Variants in SDK1 observed in about 807,000 individuals in gnomAD.
SDK1 encodes the protein sidekick cell adhesion molecule 1.
SDK1 carries 157 observed loss-of-function variants against 245.5 expected under a neutral mutation model. The observed-to-expected ratio is 0.64, with a 90% confidence interval of 0.56 to 0.73. The LOEUF (loss-of-function observed/expected upper bound fraction) is 0.73. Ranked by LOEUF, SDK1 falls within the 30% of genes least tolerant of loss-of-function variation. SDK1 has a pLI of 0.00. For missense variants in SDK1, 3,583 were observed against 3,002.3 expected (o/e 1.19, Z -4.52); for synonymous variants, 1,647 against 1,278.5 (o/e 1.29, Z -6.15).
chr7:3,821,430 C>T lies in SDK1; in HGVS notation c.714-20C>T. The T allele has an allele frequency of 6.2e-7, 1 of 1,610,032 alleles. No homozygotes were observed. Among genetic ancestry groups the T allele is most frequent in the Non-Finnish European group, 8.5e-7 (1 of 1,178,414 alleles). Reference sequence around the variant, plus strand: ...TTCCCTGGAGTAGCTTTGACACTGTCCTCTTCTTTTCTGAAACAGAGCCAT... The same window carrying T: ...TTCCCTGGAGTAGCTTTGACACTGTTCTCTTCTTTTCTGAAACAGAGCCAT... On this transcript the variant is annotated intron_variant, in intron 4 of 44. Coordinates refer to ENST00000404826, the MANE Select transcript of SDK1 (RefSeq NM_152744.4).
intron 1 of SDK1, among the ~76,000 whole-genome samples, chr7:3,413,239 C>A (rs1379590068): frequency 6.6e-6 from 1 of 152,040 alleles, no homozygotes; most frequent in Non-Finnish European, 1.5e-5. Flanking sequence ...GTTCTAGAAA[C>A]AAACAGTAGG....
At chr7:3,472,797 A>AC (rs1288078065) in intron 1 of SDK1, among the ~76,000 whole-genome samples, 1 of 152,186 alleles carries the variant, frequency 6.6e-6, no homozygotes, top group Non-Finnish European at 1.5e-5. Context: ...CAGCATGAGA[A>AC]CATAGGGTAA....
chr7:4,008,735 CA>C (rs1442608606), intron 14 of SDK1, among the ~76,000 whole-genome samples: 1 of 151,972 alleles, frequency 6.6e-6, no homozygotes, highest in South Asian at 2.1e-4. Context: ...GAAAGGGCAG[CA>C]GGGGGAAGGG....
At chr7:3,841,601 C>T (rs1423448926) in intron 5 of SDK1, among the ~76,000 whole-genome samples, 1 of 151,412 alleles carries the variant, frequency 6.6e-6, no homozygotes, top group East Asian at 1.9e-4. Flanking sequence ...GAGTTTTGCT[C>T]TGTCACCCAG....
chr7:4,030,840 C>G (rs571149891), intron 17 of SDK1, among the ~76,000 whole-genome samples: 59 of 152,142 alleles, frequency 3.9e-4, no homozygotes, highest in Non-Finnish European at 6.5e-4. Context: ...GTAGGGCCTC[C>G]TTTAAAGAAT....
intron 4 of SDK1, among the ~76,000 whole-genome samples, chr7:3,731,344 C>A (rs1382547635): frequency 1.3e-5 from 2 of 152,154 alleles, no homozygotes; most frequent in Non-Finnish European, 2.9e-5. Context: ...GCTGCTGAAC[C>A]ATTAGGAGGC....
intron 4 of SDK1, among the ~76,000 whole-genome samples, chr7:3,741,987 C>CATAGATAT (rs1779488112): frequency 7.6e-6 from 1 of 132,118 alleles, no homozygotes. Flanking sequence ...TTGTAGTGTG[C>CATAGATAT]ATATATATAT....
intron 22 of SDK1, among the ~76,000 whole-genome samples, chr7:4,079,832 A>G (rs1400188883): frequency 6.6e-6 from 1 of 152,222 alleles, no homozygotes; most frequent in East Asian, 1.9e-4. Context: ...GAAAGTTGTG[A>G]TTCAAAATAG....
intron 1 of SDK1, among the ~76,000 whole-genome samples, chr7:3,332,018 C>T (rs1426518837): frequency 6.6e-6 from 1 of 152,112 alleles, no homozygotes; most frequent in Non-Finnish European, 1.5e-5. Flanking sequence ...TATTTTATTT[C>T]GACCAGTATT....
rs773941840 is a variant in SDK1 at position 4,265,340 on chromosome 7, C to T, written c.6598C>T (p.Pro2200Ser). ...SAGGVYTPAG[P>S]GARTPLTGFS... ...GGGCGGCGTCTACACCCCCGCTGGC[C>T]CCGGCGCGCGAACTCCGCTCACCGG... Residue 2200 changes from proline to serine, a missense_variant, in exon 45 of 45, where the codon CCC becomes TCC. By Grantham distance (74) the Pro-to-Ser change is moderately conservative. Coordinates refer to ENST00000404826, the MANE Select transcript of SDK1 (RefSeq NM_152744.4). The T allele has an allele frequency of 2.0e-6, 3 of 1,469,834 alleles. No homozygotes were observed. Among genetic ancestry groups the T allele is most frequent in the Non-Finnish European group, 8.9e-7 (1 of 1,123,918 alleles). The allele number at this position is 1,469,834 out of a possible 1,614,324, so 91.0% of individuals were successfully genotyped here.
At chr7:4,198,956 G>A (rs538760645) in intron 35 of SDK1, among the ~76,000 whole-genome samples, 155 of 151,944 alleles carry the variant, frequency 1.0e-3, no homozygotes, top group Non-Finnish European at 1.1e-3. Flanking sequence ...TGAAATTACA[G>A]GCACGCACCA....
At chr7:4,209,909 C>T in intron 37 of SDK1, 116 bp from the exon 38 acceptor site, 5 of 995,650 alleles carry the variant, frequency 5.0e-6, no homozygotes, top group Admixed American at 2.9e-5. Context: ...CAGACTTTTA[C>T]TGAGTTGAAA....
At chr7:4,161,927 G>A (rs1781160886) in intron 32 of SDK1, 71 bp downstream of exon 32, 2 of 1,365,392 alleles carry the variant, frequency 1.5e-6, no homozygotes, top group African/African-American at 2.9e-5. Context: ...AGCCACAACG[G>A]CTGACATGGA....
At chr7:3,783,762 T>A (rs1353385556) in intron 4 of SDK1, among the ~76,000 whole-genome samples, 1 of 152,210 alleles carries the variant, frequency 6.6e-6, no homozygotes, top group Admixed American at 6.5e-5. Flanking sequence ...ATTAATATTG[T>A]TAAATGGCCA....
At chr7:4,011,991 G>A in intron 15 of SDK1, 104 bp from the exon 16 acceptor site, 1 of 1,052,126 alleles carries the variant, frequency 9.5e-7, no homozygotes, top group Non-Finnish European at 1.3e-6. Context: ...CCCGATTTTT[G>A]TGAATAGTCA....
chr7:3,602,342 G>A (rs1202795198), intron 1 of SDK1, among the ~76,000 whole-genome samples: 2 of 151,018 alleles, frequency 1.3e-5, no homozygotes, highest in East Asian at 3.9e-4. Flanking sequence ...AGCACCTGTT[G>A]TTTCCTGACT....
chr7:3,842,050 C>G (rs1780171708), intron 5 of SDK1, among the ~76,000 whole-genome samples: 1 of 152,210 alleles, frequency 6.6e-6, no homozygotes, highest in Admixed American at 6.5e-5. Flanking sequence ...TTTTAACCAG[C>G]TGGCAGGAAA....
At chr7:4,261,711 G>A (rs1402107775) in intron 44 of SDK1, among the ~76,000 whole-genome samples, 1 of 152,170 alleles carries the variant, frequency 6.6e-6, no homozygotes, top group Non-Finnish European at 1.5e-5. Flanking sequence ...GGCATTTCAA[G>A]GCCGCTCACT....
At chr7:3,511,835 C>T (rs1408525608) in intron 1 of SDK1, among the ~76,000 whole-genome samples, 1 of 149,162 alleles carries the variant, frequency 6.7e-6, no homozygotes, top group Non-Finnish European at 1.5e-5. Context: ...TTTAGGTTCA[C>T]AGCAAAATTG....
Sources: allele counts gnomAD v4.1 joint callset (sites outside exome capture counted in the v4.1 genomes callset), GRCh38; gene constraint gnomAD v4.1.1; transcripts MANE v1.5; gene names NCBI Gene and HGNC (gene_info 2026-07-23, HGNC 2026-07-21).